CNBD1: variants seen among roughly 807,000 people sequenced by gnomAD.
CNBD1 encodes cyclic nucleotide-binding domain-containing protein 1.
Under a neutral mutation model 54.4 loss-of-function variants are expected in CNBD1, and 71 were observed. The ratio of observed to expected loss-of-function variants is 1.30; its 90% CI spans 1.08 to 1.59. The LOEUF (loss-of-function observed/expected upper bound fraction) is 1.59, where lower values mean the gene tolerates loss of function less well. Among genes scored for constraint, CNBD1 ranks in the 40% most tolerant of loss-of-function variants. The pLI is 0.00. For synonymous variants in CNBD1, 182 were observed against 170.7 expected (o/e 1.07, Z -0.51); for missense variants, 659 against 518.0 (o/e 1.27, Z -2.64).
intron 4 of CNBD1, among the ~76,000 whole-genome samples, chr8:87,003,286 GATA>G (rs1224474754): frequency 1.3e-5 from 2 of 152,162 alleles, no homozygotes; most frequent in Non-Finnish European, 2.9e-5. Flanking sequence ...AAAAATGAAT[GATA>G]ATAAATTGAT....
chr8:87,421,224 T>C (rs937586016), intron 2 of CNBD1, among the ~76,000 whole-genome samples: 3 of 151,942 alleles, frequency 2.0e-5, no homozygotes, highest in African/African-American at 7.2e-5. Flanking sequence ...CATTTTCCTT[T>C]TCTTTTTTAT....
At chr8:87,391,520 TTGAATG>T (rs1359192363) in intron 2 of CNBD1, among the ~76,000 whole-genome samples, 1 of 152,106 alleles carries the variant, frequency 6.6e-6, no homozygotes, top group Non-Finnish European at 1.5e-5. Context: ...TGGAATATAA[TTGAATG>T]TCCATAAATA....
intron 4 of CNBD1, among the ~76,000 whole-genome samples, chr8:87,181,037 C>T (rs1813300907): frequency 6.6e-6 from 1 of 152,116 alleles, no homozygotes; most frequent in African/African-American, 2.4e-5. Context: ...CTTCTATTCA[C>T]TTTCTTCCCC....
intron 5 of CNBD1, among the ~76,000 whole-genome samples, chr8:87,207,954 C>T (rs905381920): frequency 1.3e-5 from 2 of 152,186 alleles, no homozygotes; most frequent in Admixed American, 1.3e-4. Context: ...GAAGTCAACT[C>T]ATTAAATATA....
chr8:87,324,613 G>T (rs1365482821), intron 8 of CNBD1, among the ~76,000 whole-genome samples: 1 of 150,294 alleles, frequency 6.7e-6, no homozygotes, highest in African/African-American at 2.5e-5. Flanking sequence ...AGTATTCTCT[G>T]ATGGTAGTTT....
At chr8:86,969,611 A>G (rs76056687) in intron 4 of CNBD1, among the ~76,000 whole-genome samples, 4,235 of 152,146 alleles carry the variant, frequency 0.028, 83 homozygotes, top group South Asian at 0.042. Flanking sequence ...AAAGGCATAC[A>G]AATTTATTAT....
chr8:86,989,308 C>A lies in CNBD1; in HGVS notation c.431+49554C>A, dbSNP rs6983458. 1.9e-4 allele frequency among the ~76,000 whole-genome samples: 25 copies of A among 133,804 alleles called. No individual in the cohort carries two copies. In the East Asian group the frequency reaches 3.0e-3, roughly 16 times the overall value. The allele number at this position is 133,804 out of a possible 152,430, so 87.8% of individuals were successfully genotyped here. ...GACAGCATCTCAAAACAAATAAATACATACATACATACATACATACATACA... is the reference window on the plus strand; with the variant it reads ...GACAGCATCTCAAAACAAATAAATAAATACATACATACATACATACATACA... On this transcript the variant is annotated intron_variant, in intron 4 of 10. Coordinates refer to ENST00000518476, the MANE Select transcript of CNBD1 (RefSeq NM_173538.3).
At chr8:87,267,592 C>CA (rs1563530932) in intron 6 of CNBD1, among the ~76,000 whole-genome samples, 1 of 152,108 alleles carries the variant, frequency 6.6e-6, no homozygotes. Flanking sequence ...GCTTCTATCA[C>CA]AATTGCTTCA....
chr8:87,369,854 C>T (rs1367509290), intron 10 of CNBD1, among the ~76,000 whole-genome samples: 13 of 151,950 alleles, frequency 8.6e-5, no homozygotes, highest in Admixed American at 8.5e-4. Context: ...TTAGGTATAT[C>T]TCCTATATGC....
intron 4 of CNBD1, among the ~76,000 whole-genome samples, chr8:87,078,601 C>T (rs1221024306): frequency 2.6e-5 from 4 of 152,116 alleles, no homozygotes; most frequent in African/African-American, 9.7e-5. Flanking sequence ...TTGATTTTCT[C>T]CATTTACGAG....
intron 5 of CNBD1, among the ~76,000 whole-genome samples, chr8:87,235,213 A>T (rs1193573412): frequency 6.6e-6 from 1 of 152,188 alleles, no homozygotes; most frequent in African/African-American, 2.4e-5. Context: ...CTTTCTCAGT[A>T]TAGCAATGAG....
At chr8:87,303,987 A>G (rs1446490395) in intron 8 of CNBD1, among the ~76,000 whole-genome samples, 4 of 152,140 alleles carry the variant, frequency 2.6e-5, no homozygotes, top group Admixed American at 6.6e-5. Context: ...TCAGGAAACA[A>G]CAGGTGCTGG....
intron 2 of CNBD1, among the ~76,000 whole-genome samples, chr8:87,406,684 T>C (rs2130981552): frequency 6.6e-6 from 1 of 152,198 alleles, no homozygotes; most frequent in Non-Finnish European, 1.5e-5. Context: ...TTCACCATGT[T>C]GGTCAGGCTG....
chr8:87,204,930 A>C (rs1360788735), intron 4 of CNBD1, among the ~76,000 whole-genome samples: 3 of 152,056 alleles, frequency 2.0e-5, no homozygotes, highest in Non-Finnish European at 4.4e-5. Flanking sequence ...ACTATTTCTC[A>C]GGACTGTATA....
chr8:87,295,231 G>C (rs1433368628), intron 8 of CNBD1, among the ~76,000 whole-genome samples: 1 of 151,616 alleles, frequency 6.6e-6, no homozygotes. Flanking sequence ...ATGCACTACA[G>C]AATCACTGAT....
chr8:87,334,136 T>C (rs201134814), intron 8 of CNBD1, among the ~76,000 whole-genome samples: 36 of 152,054 alleles, frequency 2.4e-4, no homozygotes, highest in South Asian at 6.2e-4. Context: ...AAGAATTTAT[T>C]CATTTCTTCT....
intron 4 of CNBD1, among the ~76,000 whole-genome samples, chr8:87,081,849 A>G (rs747923057): frequency 1.3e-4 from 20 of 152,122 alleles, no homozygotes; most frequent in Non-Finnish European, 2.5e-4. Context: ...AAATAGGCTG[A>G]TAATGTTGTT....
At chr8:86,964,850 C>A (rs1329105909) in intron 4 of CNBD1, among the ~76,000 whole-genome samples, 1 of 152,100 alleles carries the variant, frequency 6.6e-6, no homozygotes. Flanking sequence ...TGAATCAATC[C>A]CACAACGTTG....
At chr8:87,091,773 A>G (rs766512016) in intron 4 of CNBD1, among the ~76,000 whole-genome samples, 2 of 150,722 alleles carry the variant, frequency 1.3e-5, no homozygotes, top group African/African-American at 4.9e-5. Context: ...TCATGTGTAA[A>G]GGAGGTAGAG....
Sources: allele counts gnomAD v4.1 joint callset (sites outside exome capture counted in the v4.1 genomes callset), GRCh38; gene constraint gnomAD v4.1.1; transcripts MANE v1.5; gene names NCBI Gene and HGNC (gene_info 2026-07-23, HGNC 2026-07-21).